LAMB1: variants seen among roughly 807,000 people sequenced by gnomAD.
The protein encoded by LAMB1 is laminin subunit beta 1, also known as laminin subunit beta-1.
A neutral mutation model predicts 222.3 loss-of-function variants in LAMB1; 121 were observed. The observed-to-expected ratio is 0.54, with a 90% confidence interval of 0.47 to 0.63. The LOEUF is 0.63. Among genes scored for constraint, LAMB1 ranks in the 30% least tolerant of loss-of-function variants. LAMB1 has a pLI of 0.00. For missense variants in LAMB1, 2,172 were observed against 2,240.8 expected (o/e 0.97, Z 0.62); for synonymous variants, 794 against 807.2 (o/e 0.98, Z 0.28).
intron 24 of LAMB1, among the ~76,000 whole-genome samples, chr7:107,948,959 G>A (rs1323248242): frequency 6.6e-6 from 1 of 152,184 alleles, no homozygotes; most frequent in Non-Finnish European, 1.5e-5. Context: ...GACATATCCA[G>A]TTTCAATACA....
At chr7:107,932,480 C>A in intron 27 of LAMB1, 103 bp from the exon 28 acceptor site, 2 of 1,094,950 alleles carry the variant, frequency 1.8e-6, no homozygotes, top group Non-Finnish European at 2.8e-6. Context: ...TGTAGGTGGT[C>A]CTCAGCAAGG....
chr7:107,967,119 C>A (rs986922483), intron 13 of LAMB1, among the ~76,000 whole-genome samples: 1 of 152,188 alleles, frequency 6.6e-6, no homozygotes, highest in Non-Finnish European at 1.5e-5. Flanking sequence ...TTCATCTTGT[C>A]CCAAACAGAT....
chr7:107,999,350 C>T (rs1434317239), intron 3 of LAMB1, among the ~76,000 whole-genome samples: 1 of 152,184 alleles, frequency 6.6e-6, no homozygotes, highest in Non-Finnish European at 1.5e-5. Flanking sequence ...GAGCTTTGCT[C>T]TGTACCTACA....
chr7:108,001,973 G>A (rs1456670930), intron 2 of LAMB1: 1 of 1,447,052 alleles, frequency 6.9e-7, no homozygotes, highest in Non-Finnish European at 9.1e-7. Flanking sequence ...GTCCAGCAGC[G>A]AGAGCCTCCC....
At position 107,980,797 on chromosome 7, in the gene LAMB1, T is replaced by C; in HGVS notation, c.691A>G (p.Thr231Ala). 6 of 1,603,294 alleles carry C rather than the reference T, an allele frequency of 3.7e-6. No homozygotes were observed. Among genetic ancestry groups the C allele is most frequent in the Non-Finnish European group, 5.1e-6 (6 of 1,170,544 alleles). ...TTCACAAACTTGATTCTCAAGTTGGTAATTTTTAATAAATCTAGGAAGGTC... is the reference window on the plus strand; with the variant it reads ...TTCACAAACTTGATTCTCAAGTTGGCAATTTTTAATAAATCTAGGAAGGTC... ...SPRIQNLLKI[T>A]NLRIKFVKLH... Residue 231 changes from threonine to alanine, a missense_variant, in exon 8 of 34, where the codon ACC becomes GCC. Transcript: ENST00000222399.
chr7:107,965,203 T>C (rs2033606500), intron 13 of LAMB1, among the ~76,000 whole-genome samples: 1 of 152,198 alleles, frequency 6.6e-6, no homozygotes, highest in Non-Finnish European at 1.5e-5. Context: ...TTCTTCACAC[T>C]CCATCAGGAA....
intron 15 of LAMB1, 35 bp downstream of exon 15, chr7:107,962,870 C>T: frequency 6.3e-7 from 1 of 1,581,298 alleles, no homozygotes; most frequent in Non-Finnish European, 8.6e-7. Flanking sequence ...ATTCTCCCCT[C>T]CCTCCTCCAC....
At chr7:108,000,761 T>C (rs2034367497) in intron 3 of LAMB1, among the ~76,000 whole-genome samples, 1 of 151,968 alleles carries the variant, frequency 6.6e-6, no homozygotes, top group African/African-American at 2.4e-5. Context: ...AGGCTGGTCT[T>C]GAACACTTGG....
At position 107,961,670 on chromosome 7, in the gene LAMB1, C is replaced by T. The variant is rs765775010; in HGVS notation, c.1864G>A (p.Asp622Asn). 21 of 1,612,808 alleles carry T rather than the reference C, an allele frequency of 1.3e-5. No individual in the cohort carries two copies. The highest frequency in any genetic ancestry group is 1.6e-4 in the Middle Eastern group (1 of 6,074). ...GTGATGACAGCTTTTTCCCAGTGGT[C>T]GGGTAGCTAGAATAAGAAACAAACA... ...ILIRYEPQLP[D>N]HWEKAVITVQ... The change falls in exon 16 of 34, where the codon GAC becomes AAC. Residue 622 changes from aspartate to asparagine, a missense_variant. Physicochemically the swap from Asp to Asn is conservative, Grantham distance 23. Coordinates refer to ENST00000222399, the MANE Select transcript of LAMB1 (RefSeq NM_002291.3).
At chr7:108,002,997 A>C in intron 1 of LAMB1, 26 bp from the exon 2 acceptor site, 1 of 1,562,128 alleles carries the variant, frequency 6.4e-7, no homozygotes, top group African/African-American at 1.4e-5. Flanking sequence ...GGAGGGGAAA[A>C]AAGGCAAATG....
chr7:107,953,687 C>T lies in LAMB1; in HGVS notation c.2922G>A (p.Gln974=). 1 of 1,614,182 alleles carries T rather than the reference C, an allele frequency of 6.2e-7. No individual in the cohort carries two copies. Among genetic ancestry groups the T allele is most frequent in the African/African-American group, 1.3e-5 (1 of 75,042 alleles). The part of the protein sequence containing the change: ...GNPSEVGGSC[Q]PCQCHNNIDT... ...CAATGTTGTTGTGACACTGGCAAGG[C>T]TGACACGACCCCCCAACTTCTGATG... Residue 974 remains glutamine (Q), a synonymous_variant, in exon 22 of 34, where the codon CAG becomes CAA. Transcript: ENST00000222399.
intron 5 of LAMB1, among the ~76,000 whole-genome samples, chr7:107,991,959 C>T (rs2034192827): frequency 6.6e-6 from 1 of 151,864 alleles, no homozygotes; most frequent in Admixed American, 6.6e-5. Flanking sequence ...GTAATGGCTC[C>T]CTATTTCTTA....
rs2033827774 is a variant in LAMB1 at position 107,975,260 on chromosome 7, C to A, written c.1343G>T (p.Ser448Ile). Residue 448 changes from serine (S) to isoleucine (I), a missense_variant, in exon 11 of 34, where the codon AGC (serine) becomes ATC (isoleucine). By Grantham distance (142) the Ser-to-Ile change is moderately radical. Transcript: ENST00000222399. Reference protein sequence around the residue: ...DVCKEGFYDLSSEDPFGCKSC... With the variant: ...DVCKEGFYDLISEDPFGCKSC... ...TTTACAACCAAATGGATCTTCACTGCTTAAATCATAGAAGCCTTCTTTGCA... is the reference window on the plus strand; with the variant it reads ...TTTACAACCAAATGGATCTTCACTGATTAAATCATAGAAGCCTTCTTTGCA... The A allele has an allele frequency of 6.8e-6, 11 of 1,613,970 alleles. No homozygotes were observed. Among genetic ancestry groups the A allele is most frequent in the Non-Finnish European group, 9.3e-6 (11 of 1,179,934 alleles).
At chr7:107,933,771 G>A (rs1032742340) in intron 27 of LAMB1, among the ~76,000 whole-genome samples, 1 of 152,146 alleles carries the variant, frequency 6.6e-6, no homozygotes, top group African/African-American at 2.4e-5. Context: ...CACAGTAAGA[G>A]AACTGAAGCA....
chr7:107,953,591 C>G lies in LAMB1; in HGVS notation c.3018G>C (p.Gly1006=). 2 of 1,614,188 alleles carry G rather than the reference C, an allele frequency of 1.2e-6. No individual in the cohort carries two copies. Among genetic ancestry groups the G allele is most frequent in the African/African-American group, 1.3e-5 (1 of 75,036 alleles). ...CAAACCGGCAGAACTGACAGTGTTC[C>G]CCTTCCGTGTGGTACAGGCACTTGA... ...RCLKCLYHTE[G]EHCQFCRFGY... is the part of the protein sequence containing the mutation. Residue 1006 remains glycine, a synonymous_variant, in exon 22 of 34, where the codon GGG becomes GGC. Coordinates refer to ENST00000222399, the MANE Select transcript of LAMB1 (RefSeq NM_002291.3).
rs10241220 is a variant in LAMB1, at chr7:107,979,170, G to A, written c.880-1003C>T. ...AGCTACACAGCTGATTTGTTATGCC[G>A]TAAAGGGAACATAATCTACCTAGCA... is the stretch of plus-strand genomic sequence containing the variant. On this transcript the variant is annotated intron_variant, in intron 8 of 33. Coordinates refer to ENST00000222399, the MANE Select transcript of LAMB1 (RefSeq NM_002291.3). Among the ~76,000 whole-genome samples, 473 of 152,292 alleles carry A rather than the reference G, an allele frequency of 3.1e-3. 5 individuals are homozygous for A. Among genetic ancestry groups the A allele is most frequent in the African/African-American group, 0.011 (442 of 41,552 alleles).
Position 107,953,579 on chromosome 7 carries a change from C to G in LAMB1, c.3030G>C (p.Gln1010His). Residue 1010 changes from glutamine (Q) to histidine (H), a missense_variant, in exon 22 of 34, where the codon CAG (glutamine) becomes CAC (histidine). Gln to His is a conservative substitution (Grantham distance 24). Coordinates refer to ENST00000222399, the MANE Select transcript of LAMB1 (RefSeq NM_002291.3). The part of the protein sequence containing the change: ...CLYHTEGEHC[Q>H]FCRFGYYGDA... ...CACCATAGTATCCAAACCGGCAGAA[C>G]TGACAGTGTTCCCCTTCCGTGTGGT... is the stretch of plus-strand genomic sequence containing the variant. The G allele has an allele frequency of 6.2e-7, 1 of 1,614,198 alleles. No individual in the cohort carries two copies. The highest frequency in any genetic ancestry group is 8.5e-7 in the Non-Finnish European group (1 of 1,180,036).
At chr7:107,962,463 C>G (rs184663204) in intron 15 of LAMB1, among the ~76,000 whole-genome samples, 1 of 152,304 alleles carries the variant, frequency 6.6e-6, no homozygotes, top group Admixed American at 6.5e-5. Context: ...CCTGTAATCC[C>G]AGCACTTTGG....
chr7:107,984,524 C>T (rs557328964), intron 7 of LAMB1, among the ~76,000 whole-genome samples: 7 of 152,300 alleles, frequency 4.6e-5, no homozygotes, highest in African/African-American at 7.2e-5. Flanking sequence ...CTGGGGATTA[C>T]GGAGTGAGCC....
Sources: allele counts gnomAD v4.1 joint callset (sites outside exome capture counted in the v4.1 genomes callset), GRCh38; gene constraint gnomAD v4.1.1; transcripts MANE v1.5; gene names NCBI Gene and HGNC (gene_info 2026-07-23, HGNC 2026-07-21).